RBX1: variants seen among roughly 807,000 people sequenced by gnomAD.
RBX1 encodes ring-box 1.
For missense variants in RBX1, 46 were observed against 141.4 expected, an observed-to-expected ratio of 0.33 and a Z score of 3.42; for synonymous variants, 48 against 47.9, an observed-to-expected ratio of 1.00 and a Z score of -0.01.
intron 4 of RBX1, among the ~76,000 whole-genome samples, chr22:40,970,070 A>G (rs1569046196): frequency 6.6e-6 from 1 of 150,874 alleles, no homozygotes; most frequent in African/African-American, 2.4e-5. Flanking sequence ...AAAAAAAAAA[A>G]AAAGCCCAGG....
At chr22:40,960,078 T>C (rs966769445) in intron 2 of RBX1, among the ~76,000 whole-genome samples, 1 of 152,054 alleles carries the variant, frequency 6.6e-6, no homozygotes, top group Non-Finnish European at 1.5e-5. Context: ...ATTGTGCCAC[T>C]GCCCTTCAGC....
chr22:40,955,861 A>G (rs901026448), intron 2 of RBX1, among the ~76,000 whole-genome samples: 3 of 152,170 alleles, frequency 2.0e-5, no homozygotes, highest in African/African-American at 7.2e-5. Context: ...CACCTACCAT[A>G]ATGTTTAATA....
At chr22:40,968,704 C>T (rs1012279416) in intron 4 of RBX1, among the ~76,000 whole-genome samples, 14 of 152,148 alleles carry the variant, frequency 9.2e-5, no homozygotes, top group African/African-American at 2.9e-4. Flanking sequence ...GCCCCTGCTC[C>T]GGCTTGCTGG....
chr22:40,963,252 C>G (rs1450832447), intron 2 of RBX1, among the ~76,000 whole-genome samples: 1 of 152,156 alleles, frequency 6.6e-6, no homozygotes, highest in Admixed American at 6.6e-5. Context: ...TTACTATGAT[C>G]AGAGAAAGCA....
chr22:40,961,384 C>G (rs2058339750), intron 2 of RBX1, among the ~76,000 whole-genome samples: 1 of 151,684 alleles, frequency 6.6e-6, no homozygotes, highest in South Asian at 2.1e-4. Context: ...TGTGCCTGAC[C>G]CAATTCTTTA....
intron 2 of RBX1, among the ~76,000 whole-genome samples, chr22:40,958,732 A>G (rs1453840628): frequency 1.3e-5 from 2 of 152,190 alleles, no homozygotes; most frequent in South Asian, 4.1e-4. Flanking sequence ...GCCTTGGCCC[A>G]GAAGATGTTA....
Position 40,972,554 on chromosome 22 carries a change from C to T in RBX1, c.*66C>T. ...ATTTAATGACTTTCCCTGCTGTTACCTAATTACAAATTGGATGGAACTGTG... is the reference window on the plus strand; with the variant it reads ...ATTTAATGACTTTCCCTGCTGTTACTTAATTACAAATTGGATGGAACTGTG... On this transcript the variant is annotated 3_prime_UTR_variant, in exon 5 of 5. Coordinates refer to ENST00000216225, the MANE Select transcript of RBX1 (RefSeq NM_014248.4). The T allele has an allele frequency of 7.6e-7, 1 of 1,313,480 alleles. No individual in the cohort carries two copies. The highest frequency in any genetic ancestry group is 1.1e-6 in the Non-Finnish European group (1 of 912,818). 81.4% of individuals were successfully genotyped at this position (1,313,480 alleles called of 1,614,324 possible).
At chr22:40,967,948 C>T in intron 4 of RBX1, 64 bp downstream of exon 4, 2 of 1,135,522 alleles carry the variant, frequency 1.8e-6, no homozygotes, top group Middle Eastern at 1.9e-4. Context: ...GGAGCGTGGT[C>T]TTGGGGGATG....
At chr22:40,965,727 C>A (rs1394681407) in intron 3 of RBX1, among the ~76,000 whole-genome samples, 4 of 152,192 alleles carry the variant, frequency 2.6e-5, no homozygotes, top group Non-Finnish European at 5.9e-5. Flanking sequence ...CAGGCGTGAG[C>A]CACCGTGCCC....
Position 40,972,265 on chromosome 22 carries a change from A to G in RBX1, c.315-211A>G, listed in dbSNP as rs553443704. ...GTCAGAGGGAGAGCCTGTCCCTAAGAGGGGGCAGTAGGCAAGAAGTCCTGT... is the reference window on the plus strand; with the variant it reads ...GTCAGAGGGAGAGCCTGTCCCTAAGGGGGGGCAGTAGGCAAGAAGTCCTGT... On this transcript the variant is annotated intron_variant, in intron 4 of 4. Coordinates refer to ENST00000216225, the MANE Select transcript of RBX1 (RefSeq NM_014248.4). Among the ~76,000 whole-genome samples the G allele has an allele frequency of 4.6e-5, 7 of 152,216 alleles. No individual in the cohort carries two copies. The East Asian group carries it at 1.2e-3, about 25-fold the overall frequency.
intron 2 of RBX1, among the ~76,000 whole-genome samples, chr22:40,958,045 C>T (rs749723572): frequency 4.6e-5 from 7 of 152,022 alleles, no homozygotes; most frequent in Non-Finnish European, 7.4e-5. Flanking sequence ...AGGCTGGTCT[C>T]GAGCTCCTGA....
intron 2 of RBX1, among the ~76,000 whole-genome samples, chr22:40,959,173 T>C (rs1036519775): frequency 2.6e-5 from 4 of 152,190 alleles, no homozygotes; most frequent in African/African-American, 9.7e-5. Context: ...ATTGCTTCCT[T>C]AACAGTTCTT....
chr22:40,953,382 G>A (rs1246369642), intron 1 of RBX1, among the ~76,000 whole-genome samples, 173 bp from the exon 2 acceptor site: 1 of 152,146 alleles, frequency 6.6e-6, no homozygotes, highest in Admixed American at 6.5e-5. Context: ...TAGAACATAC[G>A]TGTAGTCTAC....
In RBX1 at chr22:40,967,688, C is replaced by G. The variant is rs149134851; in HGVS notation, c.229-111C>G. On this transcript the variant is annotated intron_variant, in intron 3 of 4. Transcript: ENST00000216225. Reference sequence around the variant, plus strand: ...CTTTTGCCTCTCGTTGTCTTCTTTTCTTTTCTTGCCCACTATATGTCACCC... The same window carrying G: ...CTTTTGCCTCTCGTTGTCTTCTTTTGTTTTCTTGCCCACTATATGTCACCC... The G allele has an allele frequency of 9.1e-5, 66 of 727,946 alleles. 1 individual carries two copies. In the East Asian group the frequency reaches 1.7e-3, roughly 19 times the overall value. The allele number at this position is 727,946 out of a possible 1,614,324, so 45.1% of individuals were successfully genotyped here. A position where few individuals can be genotyped will look rare whatever the true frequency, so the allele number is the denominator to read the frequency against.
At chr22:40,966,182 A>G (rs995534141) in intron 3 of RBX1, 22 of 152,356 alleles carry the variant, frequency 1.4e-4, no homozygotes, top group Admixed American at 8.5e-4. Context: ...ATGAGGTAAT[A>G]CATGTCAACA....
intron 2 of RBX1, among the ~76,000 whole-genome samples, chr22:40,962,055 A>C (rs889427476): frequency 6.6e-6 from 1 of 151,796 alleles, no homozygotes. Context: ...AAGCATTGGG[A>C]TTGCAGGCGT....
chr22:40,954,796 C>A (rs2058320731), intron 2 of RBX1, among the ~76,000 whole-genome samples: 1 of 151,614 alleles, frequency 6.6e-6, no homozygotes, highest in African/African-American at 2.4e-5. Flanking sequence ...GCCAGTTTTC[C>A]ATTTTTTTTC....
chr22:40,964,238 T>C (rs925926960), intron 3 of RBX1, 121 bp downstream of exon 3: 3 of 683,486 alleles, frequency 4.4e-6, no homozygotes. Context: ...CCAAAAGGTA[T>C]ACAAATAGTA....
At position 40,968,872 on chromosome 22, in the gene RBX1, A is replaced by G. The variant is rs577421250; in HGVS notation, c.314+988A>G. Among the ~76,000 whole-genome samples the G allele has an allele frequency of 6.2e-5, 9 of 145,170 alleles. No homozygotes were observed. In the East Asian group the frequency reaches 1.8e-3, roughly 29 times the overall value. On this transcript the variant is annotated intron_variant, in intron 4 of 4. Coordinates refer to ENST00000216225, the MANE Select transcript of RBX1 (RefSeq NM_014248.4). ...ACCTTTTTTTTTTTTTTCATTTTGT[A>G]CATTTTGGAGATTTTCCATTTCCAC...
Sources: allele counts gnomAD v4.1 joint callset (sites outside exome capture counted in the v4.1 genomes callset), GRCh38; gene constraint gnomAD v4.1.1; transcripts MANE v1.5; gene names NCBI Gene and HGNC (gene_info 2026-07-23, HGNC 2026-07-21).